The following PTHLH variants were observed in gnomAD, a reference collection of about 807,000 sequenced individuals.
The protein encoded by PTHLH is parathyroid hormone-related protein.
PTHLH carries 5 observed loss-of-function variants against 18.6 expected under a neutral mutation model. That is an observed-to-expected ratio of 0.27 (90% CI 0.14 to 0.56). The LOEUF (loss-of-function observed/expected upper bound fraction) is 0.56. Among genes scored for constraint, PTHLH ranks in the 20% least tolerant of loss-of-function variants. The pLI, the probability that PTHLH is intolerant of heterozygous loss-of-function variation, is 0.92. For synonymous variants in PTHLH, 90 were observed against 94.0 expected, an observed-to-expected ratio of 0.96 and a Z score of 0.25; for missense variants, 207 against 223.9, an observed-to-expected ratio of 0.92 and a Z score of 0.48.
Position 27,960,666 on chromosome 12 carries a change from C to T in PTHLH, c.525-2098G>A, listed in dbSNP as rs186546678. Reference sequence around the variant, plus strand: ...CCAGGAGGCGGAGGTTGCAGTGAGCCGAGATTACACCATCTCACTCCAGCC... The same window carrying T: ...CCAGGAGGCGGAGGTTGCAGTGAGCTGAGATTACACCATCTCACTCCAGCC... On this transcript the variant is annotated intron_variant, in intron 5 of 5. Transcript: ENST00000545234. 3.4e-5 allele frequency among the ~76,000 whole-genome samples: 5 copies of T among 147,132 alleles called. No individual in the cohort carries two copies. In the Admixed American group the frequency reaches 3.5e-4, roughly 10 times the overall value.
chr12:27,969,643 A>G, intron 3 of PTHLH, 127 bp from the exon 4 acceptor site: 1 of 897,566 alleles, frequency 1.1e-6, no homozygotes, highest in Non-Finnish European at 1.8e-6. Context: ...CCCAAGTTGA[A>G]AAGAAAAAAA....
At chr12:27,962,709 G>T in intron 5 of PTHLH, 1 of 983,522 alleles carries the variant, frequency 1.0e-6, no homozygotes, top group Non-Finnish European at 1.2e-6. Context: ...AACATTTTCA[G>T]AAACCATTTA....
Position 27,963,330 on chromosome 12 carries a change from G to A in PTHLH, c.524+18C>T. ...TGAGAGCACCCCGCTGAGGCTACGGGCCAGAGAAGCCTGTTACCGTGAATC... is the reference window on the plus strand; with the variant it reads ...TGAGAGCACCCCGCTGAGGCTACGGACCAGAGAAGCCTGTTACCGTGAATC... On this transcript the variant is annotated intron_variant, in intron 5 of 5. Transcript: ENST00000545234. 1.2e-6 allele frequency: 2 copies of A among 1,614,222 alleles called. No homozygotes were observed. Among genetic ancestry groups the A allele is most frequent in the Non-Finnish European group, 1.7e-6 (2 of 1,180,034 alleles).
Position 27,971,985 on chromosome 12 carries a change from G to A in PTHLH, c.-324C>T, listed in dbSNP as rs1388202994. 1 of 130,820 alleles carries A rather than the reference G, an allele frequency of 7.6e-6. No homozygotes were observed. Among genetic ancestry groups the A allele is most frequent in the Admixed American group, 8.6e-5 (1 of 11,600 alleles). The allele number at this position is 130,820 out of a possible 1,614,324, so 8.1% of individuals were successfully genotyped here. A position where few individuals can be genotyped will look rare whatever the true frequency, so the allele number is the denominator to read the frequency against. ...AGAATCCTTCCAAAAAGATGCAGGA[G>A]CCCTAATGTAATCGTTAGATCTGAA... On this transcript the variant is annotated 5_prime_UTR_variant, in exon 2 of 6. Transcript: ENST00000545234.
In PTHLH at chr12:27,968,996, G is replaced by A. The variant is rs953511603; in HGVS notation, c.101+398C>T. Reference sequence around the variant, plus strand: ...GCAAACCGCCACCCACATTCAGTATGTATACAAGCGCGCAGGCCATACGTC... The same window carrying A: ...GCAAACCGCCACCCACATTCAGTATATATACAAGCGCGCAGGCCATACGTC... On this transcript the variant is annotated intron_variant, in intron 4 of 5. Coordinates refer to ENST00000545234, the MANE Select transcript of PTHLH (RefSeq NM_198965.2). The A allele has an allele frequency of 4.2e-5, 9 of 214,122 alleles. No individual in the cohort carries two copies. The Admixed American group carries it at 4.7e-4, about 11-fold the overall frequency. The allele number at this position is 214,122 out of a possible 1,614,324, so 13.3% of individuals were successfully genotyped here.
chr12:27,963,199 T>A, intron 5 of PTHLH, 149 bp downstream of exon 5: 1 of 1,529,692 alleles, frequency 6.5e-7, no homozygotes, highest in Non-Finnish European at 8.8e-7. Context: ...CAGACAATAT[T>A]CTGAGTTATT....
intron 3 of PTHLH, 176 bp from the exon 4 acceptor site, chr12:27,969,692 C>G (rs1158430295): frequency 1.3e-6 from 1 of 759,390 alleles, no homozygotes; most frequent in Non-Finnish European, 2.4e-6. Flanking sequence ...TATTTAGCAA[C>G]CGGCTACTCC....
At position 27,970,258 on chromosome 12, in the gene PTHLH, C is replaced by T; in HGVS notation, c.-256G>A. The T allele has an allele frequency of 2.4e-6, 1 of 423,342 alleles. No homozygotes were observed. The highest frequency in any genetic ancestry group is 4.7e-6 in the Non-Finnish European group (1 of 212,792). The allele number at this position is 423,342 out of a possible 1,614,324, so 26.2% of individuals were successfully genotyped here. Reference sequence around the variant, plus strand: ...CGAGCGGAGGAATGTTCACACGCTCCGAGGCAAACCTGCCGGAGAAGTGAG... The same window carrying T: ...CGAGCGGAGGAATGTTCACACGCTCTGAGGCAAACCTGCCGGAGAAGTGAG... On this transcript the variant is annotated 5_prime_UTR_variant, in exon 3 of 6. Transcript: ENST00000545234.
At position 27,963,530 on chromosome 12, in the gene PTHLH, G is replaced by C; in HGVS notation, c.342C>G (p.Tyr114Ter). ...LTQETNKVETYKEQPLKTPGK... is the reference protein window; with the variant it reads ...LTQETNKVET The stretch of plus-strand genomic sequence containing the variant: ...CAGGTGTCTTGAGCGGCTGCTCTTT[G>C]TACGTCTCCACCTTGTTAGTTTCCT... The change falls in exon 5 of 6, where the codon TAC becomes TAG. Residue 114 changes from tyrosine (Y) to a stop codon, truncating the protein, a stop_gained. Transcript: ENST00000545234. LOFTEE classifies it high-confidence loss of function. 1 of 1,614,162 alleles carries C rather than the reference G, an allele frequency of 6.2e-7. No individual in the cohort carries two copies. Among genetic ancestry groups the C allele is most frequent in the Non-Finnish European group, 8.5e-7 (1 of 1,180,032 alleles).
At chr12:27,965,632 G>T (rs962288159) in intron 4 of PTHLH, among the ~76,000 whole-genome samples, 1 of 152,166 alleles carries the variant, frequency 6.6e-6, no homozygotes, top group African/African-American at 2.4e-5. Flanking sequence ...AAAAAGACAT[G>T]ACTTAATGGA....
chr12:27,970,994 A>C (rs1031188573), intron 2 of PTHLH, among the ~76,000 whole-genome samples: 1 of 151,986 alleles, frequency 6.6e-6, no homozygotes, highest in African/African-American at 2.4e-5. Flanking sequence ...CTGCTGGGAG[A>C]CATCTGGAGC....
At chr12:27,962,032 G>A in intron 5 of PTHLH, 2 of 640,374 alleles carry the variant, frequency 3.1e-6, no homozygotes, top group South Asian at 1.8e-5. Context: ...TCATTTCAAT[G>A]GAAATGCATC....
At chr12:27,963,867 G>A in intron 4 of PTHLH, 97 bp from the exon 5 acceptor site, 3 of 1,288,762 alleles carry the variant, frequency 2.3e-6, no homozygotes, top group East Asian at 2.3e-5. Context: ...TTTTCTAGTT[G>A]GTCCACCGTA....
intron 5 of PTHLH, chr12:27,963,005 A>G: frequency 8.3e-7 from 1 of 1,207,932 alleles, no homozygotes; most frequent in Non-Finnish European, 1.0e-6. Context: ...TAAGGGGAAG[A>G]AACACACTTC....
intron 5 of PTHLH, chr12:27,961,755 C>T: frequency 1.9e-6 from 1 of 528,478 alleles, no homozygotes; most frequent in South Asian, 2.9e-5. Context: ...TACTACTTAT[C>T]CCATATGATT....
intron 5 of PTHLH, 63 bp from the exon 6 acceptor site, chr12:27,958,631 C>A: frequency 6.9e-7 from 1 of 1,459,502 alleles, no homozygotes. Context: ...CAAATGAAAA[C>A]ATAAAATATA....
rs2062780555 is a variant in PTHLH at position 27,963,526 on chromosome 12, C to G, written c.346G>C (p.Glu116Gln). ...QETNKVETYK[E>Q]QPLKTPGKKK... ...TTCCCAGGTGTCTTGAGCGGCTGCTCTTTGTACGTCTCCACCTTGTTAGTT... is the reference window on the plus strand; with the variant it reads ...TTCCCAGGTGTCTTGAGCGGCTGCTGTTTGTACGTCTCCACCTTGTTAGTT... Residue 116 changes from glutamate to glutamine, a missense_variant, in exon 5 of 6, where the codon GAG becomes CAG. By Grantham distance (29) the Glu-to-Gln change is conservative (BLOSUM62 2). Coordinates refer to ENST00000545234, the MANE Select transcript of PTHLH (RefSeq NM_198965.2). The G allele has an allele frequency of 6.2e-7, 1 of 1,614,198 alleles. No homozygotes were observed. Among genetic ancestry groups the G allele is most frequent in the Non-Finnish European group, 8.5e-7 (1 of 1,180,034 alleles).
intron 3 of PTHLH, 137 bp from the exon 4 acceptor site, chr12:27,969,653 A>G: frequency 1.2e-6 from 1 of 847,456 alleles, no homozygotes; most frequent in South Asian, 1.3e-5. Context: ...AAAGAAAAAA[A>G]ATTTCTCTGG....
rs1197988472 is a variant in PTHLH at position 27,963,485 on chromosome 12, C to G, written c.387G>C (p.Lys129Asn). 2 of 1,614,162 alleles carry G rather than the reference C, an allele frequency of 1.2e-6. No individual in the cohort carries two copies. Among genetic ancestry groups the G allele is most frequent in the South Asian group, 2.2e-5 (2 of 91,080 alleles). The change falls in exon 5 of 6, where the codon AAG (lysine) becomes AAC (asparagine). Residue 129 changes from lysine (K) to asparagine (N), a missense_variant. By Grantham distance (94) the Lys-to-Asn change is moderately conservative (BLOSUM62 0). Coordinates refer to ENST00000545234, the MANE Select transcript of PTHLH (RefSeq NM_198965.2). ...LKTPGKKKKG[K>N]PGKRKEQEKK... ...TTTCCTGCTCCTTGCGTTTCCCGGG[C>G]TTGCCTTTCTTTTTCTTCCCAGGTG...
Sources: gnomAD v4.1 joint callset for allele counts (sites outside exome capture counted in the v4.1 genomes callset) on GRCh38, gnomAD v4.1.1 for gene constraint, MANE v1.5 for transcripts, NCBI Gene and HGNC (gene_info 2026-07-23, HGNC 2026-07-21) for gene names.